PITPNC1: variants seen among roughly 807,000 people sequenced by gnomAD.
PITPNC1 encodes phosphatidylinositol transfer protein cytoplasmic 1, also known as cytoplasmic phosphatidylinositol transfer protein 1.
A neutral mutation model predicts 44.7 loss-of-function variants in PITPNC1; 18 were observed. The observed-to-expected ratio is 0.40, with a 90% CI of 0.28 to 0.60. The LOEUF is 0.60. Ranked by LOEUF, PITPNC1 falls within the 20% of genes least tolerant of loss-of-function variation. The probability of loss-of-function intolerance (pLI) is 0.39; values close to 1 mark genes in which losing one functional copy is unlikely to be tolerated. For missense variants in PITPNC1, 290 were observed against 418.4 expected (o/e 0.69, Z 2.68); for synonymous variants, 141 against 149.6 (o/e 0.94, Z 0.42).
chr17:67,582,282 C>T (rs1390763842), intron 5 of PITPNC1, among the ~76,000 whole-genome samples: 1 of 152,082 alleles, frequency 6.6e-6, no homozygotes, highest in Non-Finnish European at 1.5e-5. Flanking sequence ...GAAAGCAGTG[C>T]AGTAGTGGAT....
At chr17:67,462,933 G>A (rs989314554) in intron 1 of PITPNC1, among the ~76,000 whole-genome samples, 2 of 151,554 alleles carry the variant, frequency 1.3e-5, no homozygotes, top group African/African-American at 2.4e-5. Flanking sequence ...AACTCCCGAC[G>A]TCAGTTGATC....
intron 4 of PITPNC1, among the ~76,000 whole-genome samples, chr17:67,562,039 G>C (rs1413489272): frequency 6.6e-6 from 1 of 152,204 alleles, no homozygotes; most frequent in East Asian, 1.9e-4. Flanking sequence ...TCCAGCCCTA[G>C]ATCGTATGAG....
At chr17:67,586,932 G>A (rs927575639) in intron 5 of PITPNC1, among the ~76,000 whole-genome samples, 1 of 152,190 alleles carries the variant, frequency 6.6e-6, no homozygotes, top group African/African-American at 2.4e-5. Context: ...GATGGCAGAG[G>A]ATAAAGAGGG....
chr17:67,506,853 A>G (rs965487350), intron 1 of PITPNC1, among the ~76,000 whole-genome samples: 3 of 152,224 alleles, frequency 2.0e-5, no homozygotes, highest in African/African-American at 4.8e-5. Context: ...TATAATTTTC[A>G]TCGTATCTAA....
intron 6 of PITPNC1, among the ~76,000 whole-genome samples, chr17:67,660,518 T>TTTATTTATTTA (rs1555578636): frequency 7.9e-5 from 11 of 139,428 alleles, no homozygotes; most frequent in East Asian, 6.3e-4. Context: ...TTTTATTTTA[T>TTTATTTATTTA]TTTATTTATT....
chr17:67,532,185 G>A (rs762831218), intron 1 of PITPNC1, among the ~76,000 whole-genome samples: 1 of 152,190 alleles, frequency 6.6e-6, no homozygotes, highest in Non-Finnish European at 1.5e-5. Context: ...GAGAGGAGCG[G>A]CCTTCAGGGG....
chr17:67,526,618 G>A (rs571735320), intron 1 of PITPNC1, among the ~76,000 whole-genome samples: 16 of 152,138 alleles, frequency 1.1e-4, no homozygotes, highest in African/African-American at 3.9e-4. Context: ...TGTAATCCCA[G>A]CTACTTGGGA....
intron 1 of PITPNC1, among the ~76,000 whole-genome samples, chr17:67,493,281 C>T (rs886222759): frequency 2.0e-5 from 3 of 152,156 alleles, no homozygotes; most frequent in Non-Finnish European, 2.9e-5. Flanking sequence ...GCTGGGCAGG[C>T]GTGAAAGCAC....
intron 1 of PITPNC1, chr17:67,408,677 T>TTCCTTCCTTCCTTC (rs2038437891): frequency 1.3e-5 from 1 of 79,436 alleles, no homozygotes; most frequent in Non-Finnish European, 2.7e-5. Flanking sequence ...GCTTTCTCTT[T>TTCCTTCCTTCCTTC]CTTCCTTCCT....
At chr17:67,521,362 TA>T (rs780393520) in intron 1 of PITPNC1, among the ~76,000 whole-genome samples, 18 of 152,312 alleles carry the variant, frequency 1.2e-4, no homozygotes, top group Admixed American at 7.2e-4. Flanking sequence ...TACCCTGGCA[TA>T]ATGACACAGG....
chr17:67,474,812 G>T (rs893670972), intron 1 of PITPNC1, among the ~76,000 whole-genome samples: 2 of 151,370 alleles, frequency 1.3e-5, no homozygotes, highest in Admixed American at 6.6e-5. Flanking sequence ...ACACCACCAT[G>T]CCCGGCGGCT....
intron 6 of PITPNC1, among the ~76,000 whole-genome samples, chr17:67,652,023 A>G (rs1455246281): frequency 6.6e-6 from 1 of 152,184 alleles, no homozygotes; most frequent in Non-Finnish European, 1.5e-5. Context: ...ATCCATCCCT[A>G]TTTTAGGGCT....
At chr17:67,673,786 T>TA (rs2042551932) in intron 7 of PITPNC1, among the ~76,000 whole-genome samples, 2 of 151,258 alleles carry the variant, frequency 1.3e-5, no homozygotes, top group Non-Finnish European at 1.5e-5. Flanking sequence ...CCGTCTCTAC[T>TA]AAAAAAATAC....
Position 67,588,581 on chromosome 17 carries a change from G to A in PITPNC1, c.366+10324G>A, listed in dbSNP as rs540646671. ...CTGTTAGTTACTTAGTAGCTGTCTCGGTTATCACATCAAAAGAAAAAAAAT... is the reference window on the plus strand; with the variant it reads ...CTGTTAGTTACTTAGTAGCTGTCTCAGTTATCACATCAAAAGAAAAAAAAT... On this transcript the variant is annotated intron_variant, in intron 5 of 8. Transcript: ENST00000581322. 6.1e-4 allele frequency among the ~76,000 whole-genome samples: 93 copies of A among 152,048 alleles called. 2 individuals carry two copies. In the South Asian group the frequency reaches 0.013, roughly 21 times the overall value.
At chr17:67,599,030 ATATATTTTTTT>A (rs1370805933) in intron 5 of PITPNC1, among the ~76,000 whole-genome samples, 10 of 30,180 alleles carry the variant, frequency 3.3e-4, no homozygotes, top group South Asian at 1.3e-3. Flanking sequence ...ATATATATAT[ATATATTTTTTT>A]TTTTTTTTTT....
rs535920675 is a variant in PITPNC1, at chr17:67,595,861, G to A, written c.366+17604G>A. ...AATGTTTCATCTTGTTCCCAGTCCT[G>A]TAAAGACATGGTCATAAATACCTTT... is the stretch of plus-strand genomic sequence containing the variant. On this transcript the variant is annotated intron_variant, in intron 5 of 8. Transcript: ENST00000581322. Among the ~76,000 whole-genome samples the A allele has an allele frequency of 1.2e-4, 19 of 152,244 alleles. No individual in the cohort carries two copies. In the South Asian group the frequency reaches 2.3e-3, roughly 18 times the overall value.
In PITPNC1 at chr17:67,569,077, G is replaced by A. The variant is rs576859056; in HGVS notation, c.295-9109G>A. Among the ~76,000 whole-genome samples the A allele has an allele frequency of 2.7e-5, 4 of 149,802 alleles. No individual in the cohort carries two copies. The South Asian group carries it at 8.5e-4, about 32-fold the overall frequency. Reference sequence around the variant, plus strand: ...GCCCCCATTCACTGCAGCCACTATCGTCTCTCTCCCTATGCAGGTGCTGAG... The same window carrying A: ...GCCCCCATTCACTGCAGCCACTATCATCTCTCTCCCTATGCAGGTGCTGAG... On this transcript the variant is annotated intron_variant, in intron 4 of 8. Coordinates refer to ENST00000581322, the MANE Select transcript of PITPNC1 (RefSeq NM_012417.4).
intron 1 of PITPNC1, among the ~76,000 whole-genome samples, chr17:67,482,371 A>G (rs1256707633): frequency 6.6e-6 from 1 of 152,154 alleles, no homozygotes; most frequent in Non-Finnish European, 1.5e-5. Context: ...CCTCCCTTGG[A>G]TAGAAATTTT....
At chr17:67,453,642 T>C (rs892466196) in intron 1 of PITPNC1, among the ~76,000 whole-genome samples, 2 of 152,184 alleles carry the variant, frequency 1.3e-5, no homozygotes, top group Non-Finnish European at 2.9e-5. Context: ...TGGAGGTGCT[T>C]ACATAACGAC....
Sources: allele counts gnomAD v4.1 joint callset (sites outside exome capture counted in the v4.1 genomes callset), GRCh38; gene constraint gnomAD v4.1.1; transcripts MANE v1.5; gene names NCBI Gene and HGNC (gene_info 2026-07-23, HGNC 2026-07-21).